DNAH3: variants seen among roughly 807,000 people sequenced by gnomAD.
DNAH3 encodes dynein axonemal heavy chain 3.
DNAH3 carries 332 observed loss-of-function variants against 432.5 expected under a neutral mutation model. The observed-to-expected ratio is 0.77, with a 90% CI of 0.70 to 0.84. The LOEUF (loss-of-function observed/expected upper bound fraction) is 0.84, where lower values mean the gene tolerates loss of function less well. Among genes scored for constraint, DNAH3 ranks in the 40% least tolerant of loss-of-function variants. DNAH3 has a pLI of 0.00. For missense variants in DNAH3, 4,861 were observed against 5,114.0 expected, an observed-to-expected ratio of 0.95 and a Z score of 1.51; for synonymous variants, 1,956 against 1,900.2, an observed-to-expected ratio of 1.03 and a Z score of -0.76.
At chr16:21,013,837 T>C (rs1169773692) in intron 41 of DNAH3, among the ~76,000 whole-genome samples, 1 of 149,930 alleles carries the variant, frequency 6.7e-6, no homozygotes, top group African/African-American at 2.5e-5. Flanking sequence ...ATTTGATAAA[T>C]AAAATAGACC....
chr16:21,073,336 C>T (rs1399917675), intron 21 of DNAH3, among the ~76,000 whole-genome samples: 1 of 152,054 alleles, frequency 6.6e-6, no homozygotes, highest in African/African-American at 2.4e-5. Context: ...TGAGCTGTTC[C>T]CCAGGTCTCC....
At chr16:20,939,170 G>A (rs1021829891) in intron 59 of DNAH3, among the ~76,000 whole-genome samples, 1 of 151,976 alleles carries the variant, frequency 6.6e-6, no homozygotes, top group African/African-American at 2.4e-5. Flanking sequence ...AGCAGAGGAG[G>A]GAAGCCATTA....
In DNAH3 at chr16:20,979,388, G is replaced by T. The variant is rs1567569339; in HGVS notation, c.8018C>A (p.Ala2673Asp). ...TGTCAGGTAGCGGTTCCTCATCATA[G>T]CCACCTCTTGCCTCTTGCTATTCAG... Residue 2673 changes from alanine (A) to aspartate (D), a missense_variant, in exon 50 of 62, where the codon GCT (alanine) becomes GAT (aspartate). By Grantham distance (126) the Ala-to-Asp change is moderately radical. Coordinates refer to ENST00000261383, the Ensembl canonical transcript of DNAH3. 6.2e-7 allele frequency: 1 copy of T among 1,614,184 alleles called. No individual in the cohort carries two copies. Among genetic ancestry groups the T allele is most frequent in the Admixed American group, 1.7e-5 (1 of 60,022 alleles).
At chr16:20,962,447 G>A (rs1467005688) in intron 53 of DNAH3, among the ~76,000 whole-genome samples, 1 of 152,218 alleles carries the variant, frequency 6.6e-6, no homozygotes, top group Non-Finnish European at 1.5e-5. Flanking sequence ...ATTGAGAACT[G>A]TCACATCAGG....
intron 12 of DNAH3, 58 bp downstream of exon 12, chr16:21,117,145 A>G: frequency 1.7e-6 from 2 of 1,209,452 alleles, no homozygotes; most frequent in East Asian, 2.3e-5. Flanking sequence ...ATGAGAGTTA[A>G]GAACACCAAA....
chr16:21,061,338 C>A (rs372441309), intron 25 of DNAH3, among the ~76,000 whole-genome samples: 1 of 143,434 alleles, frequency 7.0e-6, no homozygotes, highest in Non-Finnish European at 1.5e-5. Context: ...TGGGTTCAAG[C>A]GATTCTCCTG....
chr16:20,941,638 A>C, intron 58 of DNAH3, 95 bp from the exon 59 acceptor site: 1 of 1,469,666 alleles, frequency 6.8e-7, no homozygotes, highest in Non-Finnish European at 9.2e-7. Flanking sequence ...GACTTTTCAA[A>C]TGTATTCTGT....
intron 7 of DNAH3, among the ~76,000 whole-genome samples, chr16:21,133,722 A>G (rs2092602953): frequency 6.6e-6 from 1 of 152,204 alleles, no homozygotes; most frequent in East Asian, 1.9e-4. Context: ...CCTGGGTAAC[A>G]AGAGCCAAAC....
intron 41 of DNAH3, among the ~76,000 whole-genome samples, chr16:21,015,834 C>T (rs1035974833): frequency 6.6e-6 from 1 of 151,990 alleles, no homozygotes; most frequent in African/African-American, 2.4e-5. Flanking sequence ...CTCTGTCGCC[C>T]AGGTTGGATT....
intron 48 of DNAH3, among the ~76,000 whole-genome samples, chr16:20,983,449 C>T (rs2086014194): frequency 6.7e-6 from 1 of 149,724 alleles, no homozygotes; most frequent in African/African-American, 2.5e-5. Flanking sequence ...ACTGGTCTCC[C>T]ATACACACTA....
At chr16:21,070,571 C>G (rs2090745135) in intron 22 of DNAH3, 139 bp downstream of exon 22, 1 of 620,112 alleles carries the variant, frequency 1.6e-6, no homozygotes, top group African/African-American at 1.8e-5. Flanking sequence ...GTGTGAGCCA[C>G]TGTATCATTT....
intron 22 of DNAH3, among the ~76,000 whole-genome samples, chr16:21,069,804 C>T (rs1208408142): frequency 3.9e-5 from 6 of 152,208 alleles, no homozygotes; most frequent in Admixed American, 3.9e-4. Flanking sequence ...GAGCTTTGCC[C>T]TTTACGGAGC....
At chr16:20,950,762 C>A (rs945572736) in intron 56 of DNAH3, among the ~76,000 whole-genome samples, 26 of 152,168 alleles carry the variant, frequency 1.7e-4, no homozygotes, top group Non-Finnish European at 2.5e-4. Flanking sequence ...TATTCTTATT[C>A]CTGTCTCTGG....
At position 20,985,730 on chromosome 16, in the gene DNAH3, A is replaced by G. The variant is rs1278411039; in HGVS notation, c.7027-15T>C. On this transcript the variant is annotated splice_polypyrimidine_tract_variant and intron_variant, in intron 47 of 61. Coordinates refer to ENST00000261383, the Ensembl canonical transcript of DNAH3. ...TGGATAAGCACCTGTAAGAAAAGTA[A>G]ATCTCGGCGGGGCATTCAGTGAATG... 2 of 1,606,378 alleles carry G rather than the reference A, an allele frequency of 1.2e-6. No homozygotes were observed. Among genetic ancestry groups the G allele is most frequent in the Non-Finnish European group, 1.7e-6 (2 of 1,174,954 alleles).
At chr16:21,014,124 C>T (rs978160402) in intron 41 of DNAH3, among the ~76,000 whole-genome samples, 6 of 152,150 alleles carry the variant, frequency 3.9e-5, no homozygotes, top group African/African-American at 1.4e-4. Flanking sequence ...CAGATAAAGA[C>T]ATTATAAGAG....
rs1233421792 is a variant in DNAH3 at position 20,975,120 on chromosome 16, C to CAT, written c.8259+111_8259+112dup. 11 of 1,293,416 alleles carry CAT rather than the reference C, an allele frequency of 8.5e-6. 1 individual carries two copies. Among genetic ancestry groups the CAT allele is most frequent in the Non-Finnish European group, 1.2e-5 (11 of 934,506 alleles). 80.1% of individuals were successfully genotyped at this position (1,293,416 alleles called of 1,614,324 possible). A position where few individuals can be genotyped will look rare whatever the true frequency, so the allele number is the denominator to read the frequency against. ...TGCTGGGATTACAGCTGTGAGCCAC[C>CAT]ATGCCCAGCCTTGCCTACCCTTTCT... On this transcript the variant is annotated intron_variant, in intron 51 of 61. Transcript: ENST00000261383.
At chr16:21,082,828 A>G (rs1597338119) in intron 19 of DNAH3, among the ~76,000 whole-genome samples, 1 of 1,400 alleles carries the variant, frequency 7.1e-4, no homozygotes, top group Admixed American at 6.8e-3. Context: ...ACTCCATCTC[A>G]AAAAAAAAAA....
chr16:20,964,943 A>G, exon 53 of DNAH3: 1 of 1,614,146 alleles, frequency 6.2e-7, no homozygotes. Flanking sequence ...GCTTCGGTCC[A>G]TCTGTCCTTC....
intron 29 of DNAH3, among the ~76,000 whole-genome samples, chr16:21,050,985 A>G (rs978312465): frequency 2.6e-5 from 4 of 152,182 alleles, no homozygotes; most frequent in Non-Finnish European, 5.9e-5. Context: ...GAGGTCATGC[A>G]TGGTGCACAG....
Sources: allele counts gnomAD v4.1 joint callset (sites outside exome capture counted in the v4.1 genomes callset), GRCh38; gene constraint gnomAD v4.1.1; transcripts MANE v1.5; gene names NCBI Gene and HGNC (gene_info 2026-07-23, HGNC 2026-07-21).